SPOCK3: variants seen among roughly 807,000 people sequenced by gnomAD.
The protein encoded by SPOCK3 is testican-3.
SPOCK3 carries 30 observed loss-of-function variants against 56.6 expected under a neutral mutation model. That is an observed-to-expected ratio of 0.53 (90% CI 0.40 to 0.72). The LOEUF (loss-of-function observed/expected upper bound fraction) is 0.72. Ranked by LOEUF, SPOCK3 falls within the 30% of genes least tolerant of loss-of-function variation. The pLI, the probability that SPOCK3 is intolerant of heterozygous loss-of-function variation, is 0.00. For missense variants in SPOCK3, 527 were observed against 530.0 expected (o/e 0.99, Z 0.06); for synonymous variants, 196 against 183.3 (o/e 1.07, Z -0.56).
intron 4 of SPOCK3, among the ~76,000 whole-genome samples, chr4:166,919,790 A>T (rs967328519): frequency 6.6e-6 from 1 of 152,214 alleles, no homozygotes; most frequent in Non-Finnish European, 1.5e-5. Context: ...TTATAATCTC[A>T]TGTGTGACAA....
intron 6 of SPOCK3, among the ~76,000 whole-genome samples, chr4:166,828,782 T>C (rs1745733058): frequency 6.6e-6 from 1 of 152,020 alleles, no homozygotes; most frequent in African/African-American, 2.4e-5. Flanking sequence ...ACTGTGGATA[T>C]ACAAATGTTA....
rs183515745 is a variant in SPOCK3, at chr4:166,821,516, A to G, written c.590-29227T>C. ...ATAGCAGTATTATTGACAACAACCA[A>G]AAAGTGGAACCTATCCAATTTTCAT... On this transcript the variant is annotated intron_variant, in intron 6 of 10. Coordinates refer to ENST00000357545, the MANE Select transcript of SPOCK3 (RefSeq NM_001040159.2). Among the ~76,000 whole-genome samples, 466 of 152,238 alleles carry G rather than the reference A, an allele frequency of 3.1e-3. 3 individuals carry two copies. Among genetic ancestry groups the G allele is most frequent in the African/African-American group, 0.011 (444 of 41,562 alleles).
chr4:167,205,545 T>C, intron 2 of SPOCK3, among the ~76,000 whole-genome samples: 1 of 55,270 alleles, frequency 1.8e-5, no homozygotes, highest in Admixed American at 3.9e-4. Flanking sequence ...TAATATATAT[T>C]ATATAATATA....
intron 3 of SPOCK3, among the ~76,000 whole-genome samples, chr4:167,004,644 TA>T (rs1402431132): frequency 6.6e-6 from 1 of 152,092 alleles, no homozygotes; most frequent in African/African-American, 2.4e-5. Context: ...GAACCTGATC[TA>T]AGATAAATGG....
chr4:166,779,745 CA>C (rs1739956773), intron 7 of SPOCK3, among the ~76,000 whole-genome samples: 1 of 152,018 alleles, frequency 6.6e-6, no homozygotes, highest in East Asian at 1.9e-4. Flanking sequence ...TAAATGCTTA[CA>C]TTTACAAATT....
At chr4:167,195,333 C>A (rs1732838025) in intron 2 of SPOCK3, among the ~76,000 whole-genome samples, 1 of 152,182 alleles carries the variant, frequency 6.6e-6, no homozygotes, top group Non-Finnish European at 1.5e-5. Context: ...AGTTACAAGG[C>A]CATTTCAAGA....
At chr4:167,033,379 A>G (rs1394960739) in intron 3 of SPOCK3, among the ~76,000 whole-genome samples, 3 of 134,676 alleles carry the variant, frequency 2.2e-5, no homozygotes, top group African/African-American at 8.0e-5. Context: ...TTTTCATAAT[A>G]TAAGCAATTA....
intron 4 of SPOCK3, among the ~76,000 whole-genome samples, chr4:166,992,193 G>T (rs927868041): frequency 6.6e-6 from 1 of 152,006 alleles, no homozygotes; most frequent in Non-Finnish European, 1.5e-5. Flanking sequence ...TGTGTGTGTA[G>T]ATAATTCCTG....
chr4:167,024,231 T>C (rs554729475), intron 3 of SPOCK3, among the ~76,000 whole-genome samples: 52 of 152,162 alleles, frequency 3.4e-4, no homozygotes, highest in African/African-American at 1.2e-3. Flanking sequence ...TAATTACTGA[T>C]TTGTACAGTC....
intron 4 of SPOCK3, among the ~76,000 whole-genome samples, chr4:166,926,059 A>G (rs562152539): frequency 1.3e-5 from 2 of 152,310 alleles, no homozygotes; most frequent in South Asian, 4.1e-4. Context: ...ATTAGTAGAC[A>G]GATTTTTTCA....
chr4:167,065,558 G>A (rs1355609743), intron 2 of SPOCK3, among the ~76,000 whole-genome samples: 1 of 151,646 alleles, frequency 6.6e-6, no homozygotes, highest in Non-Finnish European at 1.5e-5. Flanking sequence ...TCGAAGCCTG[G>A]CCACTGTGGG....
chr4:166,936,085 A>G (rs72971666), intron 4 of SPOCK3, among the ~76,000 whole-genome samples: 18,845 of 152,044 alleles, frequency 0.12, 1,802 homozygotes, highest in African/African-American at 0.27. Flanking sequence ...TCTAATGAGA[A>G]GATTATAAGT....
chr4:166,912,859 C>A (rs1055953942), intron 4 of SPOCK3, 116 bp from the exon 5 acceptor site: 1 of 778,214 alleles, frequency 1.3e-6, no homozygotes. Context: ...TTAGAATCAA[C>A]AAACTATTCT....
chr4:166,749,930 A>G (rs1053481767), intron 8 of SPOCK3, among the ~76,000 whole-genome samples: 3 of 152,152 alleles, frequency 2.0e-5, no homozygotes, highest in East Asian at 3.9e-4. Context: ...TCTAGTTGCA[A>G]TTGGCTAGTT....
chr4:166,835,667 C>G (rs1475459957), intron 6 of SPOCK3, among the ~76,000 whole-genome samples: 1 of 152,028 alleles, frequency 6.6e-6, no homozygotes, highest in Admixed American at 6.5e-5. Flanking sequence ...GACACTTTTT[C>G]TTCATCACCA....
chr4:166,824,318 G>A (rs1745234267), intron 6 of SPOCK3, among the ~76,000 whole-genome samples: 1 of 152,054 alleles, frequency 6.6e-6, no homozygotes. Flanking sequence ...AAAAAGTAGA[G>A]CCTTTGGAAC....
intron 7 of SPOCK3, among the ~76,000 whole-genome samples, chr4:166,769,129 CA>C (rs149413450): frequency 0.24 from 36,556 of 151,978 alleles, 5,331 homozygotes; most frequent in African/African-American, 0.4. Flanking sequence ...TTGTTGGGTT[CA>C]AACTTCCTCC....
At chr4:167,057,562 C>T (rs1224351430) in intron 3 of SPOCK3, among the ~76,000 whole-genome samples, 2 of 151,950 alleles carry the variant, frequency 1.3e-5, no homozygotes, top group Admixed American at 6.6e-5. Context: ...CAGAGACACA[C>T]ATAGGCTCAA....
At chr4:167,044,913 G>C (rs1753578499) in intron 3 of SPOCK3, among the ~76,000 whole-genome samples, 1 of 152,050 alleles carries the variant, frequency 6.6e-6, no homozygotes, top group Non-Finnish European at 1.5e-5. Flanking sequence ...GCAGTCTATA[G>C]ATGTCAATTT....
Sources: gnomAD v4.1 joint callset for allele counts (sites outside exome capture counted in the v4.1 genomes callset) on GRCh38, gnomAD v4.1.1 for gene constraint, MANE v1.5 for transcripts, NCBI Gene and HGNC (gene_info 2026-07-23, HGNC 2026-07-21) for gene names.